Variants in DMD observed in about 807,000 individuals in gnomAD.
DMD encodes mutant dystrophin.
DMD carries 63 observed loss-of-function variants against 330.1 expected under a neutral mutation model. The ratio of observed to expected loss-of-function variants is 0.19; its 90% CI spans 0.16 to 0.24. The LOEUF (loss-of-function observed/expected upper bound fraction) is 0.24, where lower values mean the gene tolerates loss of function less well. Ranked by LOEUF, DMD falls within the 10% of genes least tolerant of loss-of-function variation. The probability of loss-of-function intolerance (pLI) is 1.00; values close to 1 mark genes in which losing one functional copy is unlikely to be tolerated. For synonymous variants in DMD, 1,223 were observed against 959.8 expected (o/e 1.27, Z -5.07); for missense variants, 3,344 against 2,684.1 (o/e 1.25, Z -5.43).
chrX:32,850,941 A>G (rs140419580), intron 2 of DMD, among the ~76,000 whole-genome samples: 45 of 111,167 alleles, frequency 4.0e-4, no homozygotes, highest in South Asian at 1.1e-3. Context: ...AAATATTCCT[A>G]AAAGGTACTA....
At chrX:32,386,119 T>A (rs1384478539) in intron 33 of DMD, among the ~76,000 whole-genome samples, 191 bp downstream of exon 33, 1 of 110,524 alleles carries the variant, frequency 9.0e-6, no homozygotes, top group Non-Finnish European at 1.9e-5. Context: ...TGTGTATATG[T>A]TTATCTTTGT....
chrX:32,529,156 A>T (rs913598336), intron 17 of DMD, among the ~76,000 whole-genome samples: 2 of 105,515 alleles, frequency 1.9e-5, no homozygotes, highest in African/African-American at 6.9e-5. Context: ...CGATCTCCTG[A>T]CCTTGTGATC....
chrX:31,767,897 T>C (rs2090101632), intron 51 of DMD, among the ~76,000 whole-genome samples: 1 of 112,109 alleles, frequency 8.9e-6, no homozygotes. Flanking sequence ...AGTAATTATG[T>C]CCCATTTAAA....
rs5927905 is a variant in DMD, at chrX:31,962,195, G to A, written c.6614+6144C>T. ...AGAGTTGTTATAAGTATTGAGCTAC[G>A]TAAAACACTTGGAACAGTGCATGGC... is the stretch of plus-strand genomic sequence containing the variant. On this transcript the variant is annotated intron_variant, in intron 45 of 78. Coordinates refer to ENST00000357033, the MANE Select transcript of DMD (RefSeq NM_004006.3). Among the ~76,000 whole-genome samples the A allele has an allele frequency of 7.8e-3, 866 of 111,336 alleles. 7 individuals carry two copies. Among genetic ancestry groups the A allele is most frequent in the Middle Eastern group, 0.014 (3 of 216 alleles).
chrX:31,540,086 C>T (rs973076184), intron 55 of DMD, among the ~76,000 whole-genome samples: 1 of 112,260 alleles, frequency 8.9e-6, no homozygotes, highest in Non-Finnish European at 1.9e-5. Context: ...CCAAAACAAA[C>T]ACTGGATTGC....
chrX:32,693,845 A>G (rs1000881614), intron 9 of DMD, among the ~76,000 whole-genome samples: 1 of 111,750 alleles, frequency 8.9e-6, no homozygotes, highest in Non-Finnish European at 1.9e-5. Flanking sequence ...ACACACATGC[A>G]CACACCACTG....
chrX:32,572,443 A>C (rs2052530276), intron 15 of DMD, among the ~76,000 whole-genome samples: 1 of 111,589 alleles, frequency 9.0e-6, no homozygotes, highest in Non-Finnish European at 1.9e-5. Context: ...CAAAAATTTT[A>C]AGAAATCATA....
At chrX:33,103,237 TG>T (rs773162844) in intron 1 of DMD, among the ~76,000 whole-genome samples, 8 of 111,923 alleles carry the variant, frequency 7.1e-5, no homozygotes, top group Admixed American at 1.9e-4. Flanking sequence ...AATTAACTTT[TG>T]GTTCTAGAGT....
chrX:31,739,598 G>A (rs959477412), intron 51 of DMD, among the ~76,000 whole-genome samples: 3 of 108,846 alleles, frequency 2.8e-5, no homozygotes, highest in African/African-American at 6.7e-5. Flanking sequence ...ATCACACACC[G>A]GGGCCTGTCA....
chrX:32,641,902 T>C (rs2059488406), intron 11 of DMD, among the ~76,000 whole-genome samples: 1 of 111,366 alleles, frequency 9.0e-6, no homozygotes, highest in Admixed American at 9.6e-5. Context: ...TAGGTAATGC[T>C]CCAAGTTGAA....
chrX:33,096,061 G>A (rs941923462), intron 1 of DMD, among the ~76,000 whole-genome samples: 5 of 87,258 alleles, frequency 5.7e-5, no homozygotes, highest in East Asian at 4.3e-4. Flanking sequence ...TGCAACCTCC[G>A]CCTCTTGGGC....
chrX:32,981,660 C>T (rs746580011), intron 2 of DMD, among the ~76,000 whole-genome samples: 1 of 111,240 alleles, frequency 9.0e-6, no homozygotes, highest in Non-Finnish European at 1.9e-5. Flanking sequence ...ATTTCTATTA[C>T]TATAACTAAA....
chrX:31,891,166 A>G (rs1308482820), intron 47 of DMD, among the ~76,000 whole-genome samples: 1 of 111,655 alleles, frequency 9.0e-6, no homozygotes, highest in African/African-American at 3.3e-5. Context: ...TTTTGAACAC[A>G]ACATCGGGAA....
chrX:32,669,879 G>C (rs940825118), intron 9 of DMD, among the ~76,000 whole-genome samples: 1 of 110,969 alleles, frequency 9.0e-6, no homozygotes, highest in African/African-American at 3.3e-5. Flanking sequence ...CCTCCACAAT[G>C]TGTCCTTCAA....
At chrX:31,619,559 G>A (rs904805044) in intron 55 of DMD, among the ~76,000 whole-genome samples, 2 of 111,590 alleles carry the variant, frequency 1.8e-5, no homozygotes, top group Non-Finnish European at 3.8e-5. Flanking sequence ...TCCCTTATAA[G>A]ATCCTCACAA....
chrX:32,299,664 A>G (rs945634850), intron 42 of DMD, among the ~76,000 whole-genome samples: 3 of 110,853 alleles, frequency 2.7e-5, no homozygotes, highest in Non-Finnish European at 5.7e-5. Context: ...TTTAAAAATG[A>G]TCTCACCTGA....
At chrX:31,849,927 G>A (rs972214737) in intron 48 of DMD, among the ~76,000 whole-genome samples, 2 of 110,794 alleles carry the variant, frequency 1.8e-5, no homozygotes, top group African/African-American at 3.3e-5. Context: ...TTAAGTACAC[G>A]TGCAAGTTTG....
Position 31,510,745 on chromosome X carries a change from G to A in DMD, c.8218-3292C>T, listed in dbSNP as rs7878484. 7.8e-3 allele frequency among the ~76,000 whole-genome samples: 864 copies of A among 110,093 alleles called. 11 individuals are homozygous for A. Among genetic ancestry groups the A allele is most frequent in the African/African-American group, 0.023 (691 of 30,239 alleles). On this transcript the variant is annotated intron_variant, in intron 55 of 78. Coordinates refer to ENST00000357033, the MANE Select transcript of DMD (RefSeq NM_004006.3). Reference sequence around the variant, plus strand: ...AGGATGGTCTCGATCTCCTGACCTCGTGATCCGCCCACCTTGGCCTCCCAA... The same window carrying A: ...AGGATGGTCTCGATCTCCTGACCTCATGATCCGCCCACCTTGGCCTCCCAA...
At position 33,002,850 on chromosome X, in the gene DMD, GA is replaced by G. The variant is rs145168802; in HGVS notation, c.93+17288del. Among the ~76,000 whole-genome samples, 360 of 38,731 alleles carry G rather than the reference GA, an allele frequency of 9.3e-3. 1 individual carries two copies. Among genetic ancestry groups the G allele is most frequent in the African/African-American group, 0.028 (263 of 9,447 alleles). The allele number at this position is 38,731 out of a possible 115,157, so 33.6% of individuals were successfully genotyped here. A position where few individuals can be genotyped will look rare whatever the true frequency, so the allele number is the denominator to read the frequency against. On this transcript the variant is annotated intron_variant, in intron 2 of 78. Coordinates refer to ENST00000357033, the MANE Select transcript of DMD (RefSeq NM_004006.3). ...CTCAAATGTGTGATATTTTTTTCTC[GA>G]AAAAAAAAAAAAAAAAAAAAAAAAG...
Sources: gnomAD v4.1 joint callset for allele counts (sites outside exome capture counted in the v4.1 genomes callset) on GRCh38, gnomAD v4.1.1 for gene constraint, MANE v1.5 for transcripts, NCBI Gene and HGNC (gene_info 2026-07-23, HGNC 2026-07-21) for gene names.